LDLRAP1: variants seen among roughly 807,000 people sequenced by gnomAD.
LDLRAP1 encodes the protein low density lipoprotein receptor adapter protein 1.
In LDLRAP1, 30 loss-of-function variants were observed where a neutral mutation model predicts 37.8. The observed-to-expected ratio is 0.79, with a 90% CI of 0.59 to 1.08. The LOEUF (loss-of-function observed/expected upper bound fraction) is 1.08. LDLRAP1 is among the 50% of genes least tolerant of loss of function. LDLRAP1 has a pLI of 0.00. For synonymous variants in LDLRAP1, 156 were observed against 169.8 expected (o/e 0.92, Z 0.63); for missense variants, 375 against 401.6 (o/e 0.93, Z 0.57).
chr1:25,584,156 G>A, the LDLRAP1 span, among the ~76,000 whole-genome samples: 5 of 152,014 alleles, frequency 3.3e-5, no homozygotes, highest in African/African-American at 1.2e-4. Context: ...ACATGTGTGT[G>A]CTCTTTGGAG....
rs767427914 is a variant in LDLRAP1 at position 25,549,497 on chromosome 1, C to A, written c.89-4425C>A. 2.0e-5 allele frequency among the ~76,000 whole-genome samples: 3 copies of A among 152,240 alleles called. No homozygotes were observed. In the South Asian group the frequency reaches 6.2e-4, roughly 32 times the overall value. On this transcript the variant is annotated intron_variant, in intron 1 of 8. Coordinates refer to ENST00000374338, the MANE Select transcript of LDLRAP1 (RefSeq NM_015627.3). ...GGGGGACCTTAACAAGGAAAGAACACGTGTTCACAGCTGTAATTTAGACCT... is the reference window on the plus strand; with the variant it reads ...GGGGGACCTTAACAAGGAAAGAACAAGTGTTCACAGCTGTAATTTAGACCT...
chr1:25,549,632 G>C (rs1337720527), intron 1 of LDLRAP1, among the ~76,000 whole-genome samples: 1 of 152,240 alleles, frequency 6.6e-6, no homozygotes, highest in Non-Finnish European at 1.5e-5. Flanking sequence ...AAAATAACTA[G>C]GACCGGAACA....
the LDLRAP1 span, among the ~76,000 whole-genome samples, chr1:25,584,756 G>A: frequency 6.6e-6 from 1 of 152,196 alleles, no homozygotes; most frequent in Non-Finnish European, 1.5e-5. Context: ...GCAAGCCCTA[G>A]AGGGAGCATC....
chr1:25,586,210 T>C, the LDLRAP1 span, among the ~76,000 whole-genome samples: 1 of 152,142 alleles, frequency 6.6e-6, no homozygotes, highest in African/African-American at 2.4e-5. The surrounding 1 kb of genome is among the most constrained non-coding windows in gnomAD (Gnocchi z 4.3). Flanking sequence ...GCTCTCATGA[T>C]AGGAGAATGG....
At chr1:25,587,667 A>G in the LDLRAP1 span, among the ~76,000 whole-genome samples, 1 of 152,210 alleles carries the variant, frequency 6.6e-6, no homozygotes, top group Non-Finnish European at 1.5e-5. Flanking sequence ...AACTGTGCAC[A>G]TAGGCGTGGA....
At chr1:25,570,887 T>C (rs970213052), downstream of LDLRAP1, among the ~76,000 whole-genome samples, 7 of 152,074 alleles carry the variant, frequency 4.6e-5, no homozygotes, top group South Asian at 2.1e-4. Flanking sequence ...AAGTAACCCT[T>C]GGGCCTGTTA....
chr1:25,567,275 G>A lies in LDLRAP1; in HGVS notation c.*283G>A, dbSNP rs1391691650. The stretch of plus-strand genomic sequence containing the variant: ...GCACGTCTCCTGCTGCGTGACATGT[G>A]CAGTGCTGTAATCGGCTCCCGCTTG... On this transcript the variant is annotated 3_prime_UTR_variant, in exon 9 of 9. Coordinates refer to ENST00000374338, the MANE Select transcript of LDLRAP1 (RefSeq NM_015627.3). 2.0e-6 allele frequency: 1 copy of A among 500,186 alleles called. No homozygotes were observed. The highest frequency in any genetic ancestry group is 3.7e-6 in the Non-Finnish European group (1 of 272,418). The allele number at this position is 500,186 out of a possible 1,614,324, so 31.0% of individuals were successfully genotyped here. A position where few individuals can be genotyped will look rare whatever the true frequency, so the allele number is the denominator to read the frequency against.
the LDLRAP1 span, among the ~76,000 whole-genome samples, chr1:25,582,799 C>T: frequency 4.0e-5 from 6 of 151,750 alleles, no homozygotes; most frequent in East Asian, 3.9e-4. Context: ...GAGCCGGGTA[C>T]GGTGGCTCAC....
intron 4 of LDLRAP1, among the ~76,000 whole-genome samples, chr1:25,559,044 T>G (rs2044280551): frequency 6.6e-6 from 1 of 152,280 alleles, no homozygotes; most frequent in East Asian, 1.9e-4. Context: ...CCCGGGTTCT[T>G]TTGAACACCT....
rs773335202 is a variant in LDLRAP1, at chr1:25,555,008, C to T, written c.344+36C>T. The T allele has an allele frequency of 1.4e-6, 2 of 1,478,510 alleles. No homozygotes were observed. Among genetic ancestry groups the T allele is most frequent in the South Asian group, 2.3e-5 (2 of 87,452 alleles). The allele number at this position is 1,478,510 out of a possible 1,614,324, so 91.6% of individuals were successfully genotyped here. ...CATGGGGTTGGCCCATCCACTCTGCCACTTGGGGCAGTGGGTGGAGTATCC... is the reference window on the plus strand; with the variant it reads ...CATGGGGTTGGCCCATCCACTCTGCTACTTGGGGCAGTGGGTGGAGTATCC... On this transcript the variant is annotated intron_variant, in intron 3 of 8. Transcript: ENST00000374338. This position sits in a 1 kb window ranked among gnomAD's most constrained non-coding sequence, Gnocchi z 4.7.
rs1003871316 is a variant in LDLRAP1 at position 25,555,081 on chromosome 1, C to T, written c.344+109C>T. 1.0e-5 allele frequency: 8 copies of T among 798,958 alleles called. No homozygotes were observed. The African/African-American group carries it at 1.0e-4, about 10-fold the overall frequency. 49.5% of individuals were successfully genotyped at this position (798,958 alleles called of 1,614,324 possible). On this transcript the variant is annotated intron_variant, in intron 3 of 8. Coordinates refer to ENST00000374338, the MANE Select transcript of LDLRAP1 (RefSeq NM_015627.3). This position sits in a 1 kb window ranked among gnomAD's most constrained non-coding sequence, Gnocchi z 4.7. ...CTTCCTACCTGGGTGACATTGGAGC[C>T]TCAGTTTCCTCATCTGTAAAATGGG...
chr1:25,543,739 G>T lies in LDLRAP1; in HGVS notation c.41G>T (p.Ser14Ile). 2.5e-6 allele frequency: 3 copies of T among 1,212,650 alleles called. No individual in the cohort carries two copies. Among genetic ancestry groups the T allele is most frequent in the Non-Finnish European group, 3.1e-6 (3 of 975,652 alleles). The allele number at this position is 1,212,650 out of a possible 1,614,324, so 75.1% of individuals were successfully genotyped here. ...LKSAGRALIRSPSLAKQSWGG... is the reference protein window; with the variant it reads ...LKSAGRALIRIPSLAKQSWGG... ...TCGGCGGGGCGGGCGCTGATCCGGA[G>T]CCCCAGCTTGGCCAAGCAGAGCTGG... Residue 14 changes from serine to isoleucine, a missense_variant, in exon 1 of 9, where the codon AGC becomes ATC. Ser to Ile is a moderately radical substitution (Grantham distance 142). Transcript: ENST00000374338.
At chr1:25,580,989 G>T in the LDLRAP1 span, among the ~76,000 whole-genome samples, 1 of 152,188 alleles carries the variant, frequency 6.6e-6, no homozygotes, top group Non-Finnish European at 1.5e-5. Flanking sequence ...CTAAATTGAG[G>T]CCAGCCTTAG....
chr1:25,583,192 ATT>A, the LDLRAP1 span, among the ~76,000 whole-genome samples: 98 of 116,450 alleles, frequency 8.4e-4, no homozygotes, highest in African/African-American at 1.3e-3. Context: ...TTTTTTGGGG[ATT>A]TTTTTTTTTT....
Position 25,563,152 on chromosome 1 carries a change from CTG to C in LDLRAP1, c.616+2_616+3del, listed in dbSNP as rs1317672818. 6.2e-7 allele frequency: 1 copy of C among 1,613,668 alleles called. No homozygotes were observed. Among genetic ancestry groups the C allele is most frequent in the South Asian group, 1.1e-5 (1 of 91,074 alleles). ...AAGACTGCACCCCCTCCTTGAAGAG[CTG>C]TGAGTCCTGACGGGGAAGGGGGATT... On this transcript the variant is annotated splice_donor_variant and coding_sequence_variant, in exon 6 of 9. Transcript: ENST00000374338. LOFTEE classifies it high-confidence loss of function.
At position 25,543,685 on chromosome 1, in the gene LDLRAP1, G is replaced by A. The variant is rs1374132530; in HGVS notation, c.-14G>A. On this transcript the variant is annotated 5_prime_UTR_variant, in exon 1 of 9. Coordinates refer to ENST00000374338, the MANE Select transcript of LDLRAP1 (RefSeq NM_015627.3). ...TTTTGGCTGCGGCAGCGGCGGCGGCGGCCGGAGCGGGCCATGGACGCGCTC... is the reference window on the plus strand; with the variant it reads ...TTTTGGCTGCGGCAGCGGCGGCGGCAGCCGGAGCGGGCCATGGACGCGCTC... The A allele has an allele frequency of 3.3e-6, 4 of 1,213,738 alleles. No individual in the cohort carries two copies. Among genetic ancestry groups the A allele is most frequent in the African/African-American group, 1.6e-5 (1 of 63,460 alleles). The allele number at this position is 1,213,738 out of a possible 1,614,324, so 75.2% of individuals were successfully genotyped here.
At chr1:25,561,151 G>A (rs2044333646) in intron 4 of LDLRAP1, among the ~76,000 whole-genome samples, 1 of 152,250 alleles carries the variant, frequency 6.6e-6, no homozygotes, top group Non-Finnish European at 1.5e-5. Flanking sequence ...TTGCTTGGGT[G>A]GATAGTGATC....
chr1:25,563,000 C>T (rs1480116204), intron 5 of LDLRAP1, 70 bp from the exon 6 acceptor site: 3 of 1,456,582 alleles, frequency 2.1e-6, no homozygotes. Context: ...CTAATCACCC[C>T]TGCCCGGTGA....
At chr1:25,551,009 T>C (rs767753489) in intron 1 of LDLRAP1, among the ~76,000 whole-genome samples, 1 of 151,626 alleles carries the variant, frequency 6.6e-6, no homozygotes, top group Non-Finnish European at 1.5e-5. Context: ...GACATGAAAA[T>C]GGGGGCTGGA....
Sources: gnomAD v4.1 joint callset for allele counts (sites outside exome capture counted in the v4.1 genomes callset) on GRCh38, gnomAD v4.1.1 for gene constraint, Gnocchi (gnomAD v3.1) non-coding constraint, MANE v1.5 for transcripts, NCBI Gene and HGNC (gene_info 2026-07-23, HGNC 2026-07-21) for gene names.